RCHY1: variants seen among roughly 807,000 people sequenced by gnomAD.
RCHY1 encodes the protein RING finger and CHY zinc finger domain-containing protein 1.
A neutral mutation model predicts 41.6 loss-of-function variants in RCHY1; 21 were observed. That is an observed-to-expected ratio of 0.51 (90% CI 0.36 to 0.73). The LOEUF is 0.73. Ranked by LOEUF, RCHY1 falls within the 30% of genes least tolerant of loss-of-function variation. The pLI is 0.00. For missense variants in RCHY1, 265 were observed against 325.3 expected, an observed-to-expected ratio of 0.81 and a Z score of 1.43; for synonymous variants, 79 against 102.9, an observed-to-expected ratio of 0.77 and a Z score of 1.41.
At chr4:75,508,428 T>G (rs1724542196) in intron 3 of RCHY1, among the ~76,000 whole-genome samples, 1 of 152,134 alleles carries the variant, frequency 6.6e-6, no homozygotes, top group African/African-American at 2.4e-5. Context: ...CCAATTTTTA[T>G]AAAATCACCT....
intron 5 of RCHY1, 21 bp downstream of exon 5, chr4:75,491,863 CAAAGT>C: frequency 6.2e-7 from 1 of 1,605,662 alleles, no homozygotes; most frequent in African/African-American, 1.3e-5. Context: ...CTGAGACTTC[CAAAGT>C]AAAAAATATT....
At chr4:75,502,844 T>C (rs1723915666) in intron 3 of RCHY1, among the ~76,000 whole-genome samples, 1 of 152,150 alleles carries the variant, frequency 6.6e-6, no homozygotes, top group Non-Finnish European at 1.5e-5. Context: ...TGCATAATCC[T>C]TCGGTTTTCT....
At chr4:75,496,251 T>C (rs961997401) in intron 3 of RCHY1, among the ~76,000 whole-genome samples, 3 of 151,976 alleles carry the variant, frequency 2.0e-5, no homozygotes, top group African/African-American at 4.8e-5. Context: ...CTGTGAGAGA[T>C]AAGAAACAAA....
At chr4:75,504,616 A>G (rs1362375942) in intron 3 of RCHY1, among the ~76,000 whole-genome samples, 1 of 152,192 alleles carries the variant, frequency 6.6e-6, no homozygotes, top group Non-Finnish European at 1.5e-5. Flanking sequence ...GGGAGTTGAA[A>G]GTTATACTCA....
chr4:75,483,676 T>A (rs527803619), intron 8 of RCHY1, among the ~76,000 whole-genome samples: 22 of 152,338 alleles, frequency 1.4e-4, no homozygotes, highest in African/African-American at 5.3e-4. Flanking sequence ...CACATGATTA[T>A]CGGTTAGTAT....
chr4:75,482,725 T>C lies in RCHY1; in HGVS notation c.658-59A>G, dbSNP rs552674123. On this transcript the variant is annotated intron_variant, in intron 8 of 8. Coordinates refer to ENST00000324439, the MANE Select transcript of RCHY1 (RefSeq NM_015436.4). ...AACCTTATAAATACAAGTAGCATTG[T>C]CTACTCATAATCCCTTGAAAATCAT... The C allele has an allele frequency of 6.5e-6, 8 of 1,234,316 alleles. No individual in the cohort carries two copies. The African/African-American group carries it at 1.1e-4, about 16-fold the overall frequency. 76.5% of individuals were successfully genotyped at this position (1,234,316 alleles called of 1,614,324 possible).
Position 75,480,381 on chromosome 4 carries a change from T to C in RCHY1, c.*2157A>G, listed in dbSNP as rs1326581916. ...ATGGATGACTAGCTGTGAGGGGTAT[T>C]TTAGCAAAATAGAAGTTTAGATCAA... On this transcript the variant is annotated 3_prime_UTR_variant, in exon 9 of 9. Coordinates refer to ENST00000324439, the MANE Select transcript of RCHY1 (RefSeq NM_015436.4). The C allele has an allele frequency of 6.6e-6, 1 of 152,178 alleles. No homozygotes were observed. Among genetic ancestry groups the C allele is most frequent in the Non-Finnish European group, 1.5e-5 (1 of 68,026 alleles). The allele number at this position is 152,178 out of a possible 1,614,324, so 9.4% of individuals were successfully genotyped here.
intron 4 of RCHY1, among the ~76,000 whole-genome samples, chr4:75,493,706 G>T (rs1159226308): frequency 6.6e-6 from 1 of 151,692 alleles, no homozygotes; most frequent in Non-Finnish European, 1.5e-5. Context: ...AAATATGTAT[G>T]TCTTAATTAT....
intron 3 of RCHY1, among the ~76,000 whole-genome samples, chr4:75,500,196 A>G (rs1418079163): frequency 2.0e-5 from 3 of 152,224 alleles, no homozygotes; most frequent in Non-Finnish European, 4.4e-5. Flanking sequence ...ATTTGATTAT[A>G]TGAATGCACT....
rs1322143817 is a variant in RCHY1, at chr4:75,514,270, C to A, written c.17G>T (p.Arg6Leu). The change falls in exon 1 of 9, where the codon CGG becomes CTG. Residue 6 changes from arginine to leucine, a missense_variant. By Grantham distance (102) the Arg-to-Leu change is moderately radical (BLOSUM62 -2). Transcript: ENST00000324439. ...CTCTTGACCGCTGGCGCCATCTTCC[C>A]GGGCCGTCGCCGCCATCTCCTCCAC... MAATA[R>L]EDGASGQERG... 6.2e-7 allele frequency: 1 copy of A among 1,612,504 alleles called. No individual in the cohort carries two copies. The highest frequency in any genetic ancestry group is 1.7e-5 in the Admixed American group (1 of 59,990).
intron 3 of RCHY1, among the ~76,000 whole-genome samples, chr4:75,499,501 T>C (rs1240125638): frequency 6.6e-6 from 1 of 152,148 alleles, no homozygotes; most frequent in Admixed American, 6.5e-5. Flanking sequence ...TCAAAATAGC[T>C]GAAATATGGA....
At position 75,487,636 on chromosome 4, in the gene RCHY1, T is replaced by TTC. The variant is rs374671709; in HGVS notation, c.657+2944_657+2945insGA. ...TCATAATATATATATTCATAATATA[T>TTC]ATATTCATATATATTCATAATATAT... On this transcript the variant is annotated intron_variant, in intron 8 of 8. Transcript: ENST00000324439. Among the ~76,000 whole-genome samples, 180 of 49,166 alleles carry TTC rather than the reference T, an allele frequency of 3.7e-3. 8 individuals are homozygous for TTC. Among genetic ancestry groups the TTC allele is most frequent in the South Asian group, 7.4e-3 (13 of 1,768 alleles). The allele number at this position is 49,166 out of a possible 152,430, so 32.3% of individuals were successfully genotyped here.
intron 8 of RCHY1, 39 bp downstream of exon 8, chr4:75,490,542 C>A (rs760415345): frequency 6.4e-7 from 1 of 1,564,766 alleles, no homozygotes; most frequent in Non-Finnish European, 8.7e-7. Flanking sequence ...AGAGTGCCAA[C>A]AAGGAGTCTA....
chr4:75,491,904 A>T lies in RCHY1; in HGVS notation c.435T>A (p.Cys145Ter). ...KCIENVSRQNCPICLEDIHTS... is the reference protein window; with the variant it reads ...KCIENVSRQN ...TTAAGCCTACCTCCAAACATATTGG[A>T]CAATTCTGTCGGGACACATTTTCAA... Residue 145 changes from cysteine to a stop codon, truncating the protein, a stop_gained, in exon 5 of 9, where the codon TGT becomes TGA. Transcript: ENST00000324439. LOFTEE classifies it high-confidence loss of function. The T allele has an allele frequency of 6.2e-7, 1 of 1,608,874 alleles. No homozygotes were observed.
chr4:75,514,413 G>A, upstream of RCHY1: 8 of 1,090,646 alleles, frequency 7.3e-6, no homozygotes, highest in South Asian at 1.2e-4. Flanking sequence ...TGGCTCCTAA[G>A]CACGTGACCC....
At chr4:75,514,067 T>C in intron 1 of RCHY1, 130 bp downstream of exon 1, 1 of 1,421,346 alleles carries the variant, frequency 7.0e-7, no homozygotes, top group Non-Finnish European at 9.5e-7. Flanking sequence ...AAGAACCCAG[T>C]TCCAGGTGGA....
chr4:75,484,010 A>C (rs538150060), intron 8 of RCHY1, among the ~76,000 whole-genome samples: 29 of 152,320 alleles, frequency 1.9e-4, no homozygotes, highest in African/African-American at 6.7e-4. Flanking sequence ...TTTAGGTTGC[A>C]AGCTAATTGC....
At chr4:75,510,873 C>G (rs1229154667) in intron 1 of RCHY1, among the ~76,000 whole-genome samples, 2 of 152,114 alleles carry the variant, frequency 1.3e-5, no homozygotes, top group African/African-American at 4.8e-5. Context: ...CTTCTATCTG[C>G]TTATGCATTC....
chr4:75,487,655 A>AATATATATTCAT (rs1722259067), intron 8 of RCHY1, among the ~76,000 whole-genome samples: 2 of 31,030 alleles, frequency 6.4e-5, no homozygotes, highest in African/African-American at 1.6e-4. Context: ...ATATATTCAT[A>AATATATATTCAT]ATATATATAT....
Sources: allele counts gnomAD v4.1 joint callset (sites outside exome capture counted in the v4.1 genomes callset), GRCh38; gene constraint gnomAD v4.1.1; transcripts MANE v1.5; gene names NCBI Gene and HGNC (gene_info 2026-07-23, HGNC 2026-07-21).